Variants in ITCH observed in about 807,000 individuals in gnomAD.
ITCH encodes the protein E3 ubiquitin-protein ligase Itchy homolog.
ITCH carries 28 observed loss-of-function variants against 126.8 expected under a neutral mutation model. That is an observed-to-expected ratio of 0.22 (90% confidence interval 0.16 to 0.30). ITCH has a LOEUF of 0.30. ITCH is among the 10% of genes least tolerant of loss of function. The pLI, the probability that ITCH is intolerant of heterozygous loss-of-function variation, is 1.00. For missense variants in ITCH, 631 were observed against 1,032.4 expected, an observed-to-expected ratio of 0.61 and a Z score of 5.33; for synonymous variants, 342 against 340.0, an observed-to-expected ratio of 1.01 and a Z score of -0.06.
chr20:34,382,553 C>T (rs1416781614), intron 2 of ITCH, among the ~76,000 whole-genome samples: 1 of 151,608 alleles, frequency 6.6e-6, no homozygotes. Context: ...TTACAGGCGC[C>T]TGCCACCATG....
chr20:34,487,271 C>G (rs1046806466), intron 20 of ITCH, among the ~76,000 whole-genome samples: 1 of 152,086 alleles, frequency 6.6e-6, no homozygotes, highest in African/African-American at 2.4e-5. Flanking sequence ...CTCAGCCTCC[C>G]GAAGTGCTGG....
chr20:34,511,503 TG>T lies in ITCH; in HGVS notation c.*3710del, dbSNP rs1978808141. On this transcript the variant is annotated 3_prime_UTR_variant, in exon 25 of 25. Transcript: ENST00000374864. ...CAGGTCACATAGATTTCTGCCTCTC[TG>T]CTTTTTTAAGTGGCAAGTTACAGCC... The T allele has an allele frequency of 6.6e-6, 1 of 152,230 alleles. No individual in the cohort carries two copies. The highest frequency in any genetic ancestry group is 1.5e-5 in the Non-Finnish European group (1 of 68,050). 9.4% of individuals were successfully genotyped at this position (152,230 alleles called of 1,614,324 possible).
intron 22 of ITCH, 111 bp downstream of exon 22, chr20:34,490,037 C>T (rs1190561166): frequency 2.7e-6 from 2 of 735,864 alleles, no homozygotes; most frequent in East Asian, 2.6e-5. Context: ...ATATAGACCC[C>T]TTAGTCCATG....
At chr20:34,472,441 A>G (rs537120580) in intron 16 of ITCH, among the ~76,000 whole-genome samples, 61 of 152,138 alleles carry the variant, frequency 4.0e-4, no homozygotes, top group African/African-American at 1.4e-3. Flanking sequence ...AGATATTACT[A>G]ATAACCTACT....
chr20:34,442,210 G>C lies in ITCH; in HGVS notation c.872G>C (p.Trp291Ser). The C allele has an allele frequency of 6.2e-7, 1 of 1,612,200 alleles. No individual in the cohort carries two copies. The highest frequency in any genetic ancestry group is 8.5e-7 in the Non-Finnish European group (1 of 1,178,254). The change falls in exon 10 of 25, where the codon TGG becomes TCG. Residue 291 changes from tryptophan to serine, a missense_variant and splice_region_variant. Around this residue, in one of 4 missense-constraint regions of ITCH, gnomAD observed 390 missense variants for 731.6 expected, o/e 0.53. Coordinates refer to ENST00000374864, the MANE Select transcript of ITCH (RefSeq NM_031483.7). ...PVTQAPLPPG[W>S]EQRVDQHGRV... ...AGCCTTTTAATTTTGTATTTAAGTT[G>C]GGAGCAGAGAGTGGACCAGCACGGG... is the stretch of plus-strand genomic sequence containing the variant.
chr20:34,464,065 C>T (rs924926486), intron 14 of ITCH, among the ~76,000 whole-genome samples: 3 of 151,982 alleles, frequency 2.0e-5, no homozygotes, highest in Non-Finnish European at 4.4e-5. Flanking sequence ...AGCTATGCCT[C>T]CCGGGTTCAC....
At chr20:34,448,758 G>T (rs544410062) in intron 11 of ITCH, among the ~76,000 whole-genome samples, 6 of 151,988 alleles carry the variant, frequency 3.9e-5, no homozygotes, top group African/African-American at 1.4e-4. Context: ...ACACAGAGTC[G>T]GTGTGACTTT....
Position 34,407,290 on chromosome 20 carries a change from G to A in ITCH, c.71-1361G>A, listed in dbSNP as rs367661803. ...TCATTATTATTATTATTTTTGATACGTAGGCTCACTCTGTCGCCCAGGCTG... is the reference window on the plus strand; with the variant it reads ...TCATTATTATTATTATTTTTGATACATAGGCTCACTCTGTCGCCCAGGCTG... On this transcript the variant is annotated intron_variant, in intron 3 of 24. Coordinates refer to ENST00000374864, the MANE Select transcript of ITCH (RefSeq NM_031483.7). 2.4e-4 allele frequency among the ~76,000 whole-genome samples: 36 copies of A among 151,890 alleles called. No homozygotes were observed. In the East Asian group the frequency reaches 6.0e-3, roughly 25 times the overall value.
chr20:34,498,099 G>GT (rs1202265924), intron 23 of ITCH, among the ~76,000 whole-genome samples: 8 of 152,128 alleles, frequency 5.3e-5, no homozygotes, highest in Non-Finnish European at 1.0e-4. Context: ...TGTAGCTATT[G>GT]TAAGTAGGAT....
At chr20:34,399,323 C>T (rs112489278) in intron 3 of ITCH, among the ~76,000 whole-genome samples, 11 of 150,892 alleles carry the variant, frequency 7.3e-5, no homozygotes, top group East Asian at 2.0e-4. Context: ...ACCCGGGAGG[C>T]GGAGATGGCG....
At chr20:34,446,903 TAC>T (rs1228740388) in intron 11 of ITCH, among the ~76,000 whole-genome samples, 1 of 152,194 alleles carries the variant, frequency 6.6e-6, no homozygotes, top group Non-Finnish European at 1.5e-5. Flanking sequence ...GTAAAATAAA[TAC>T]AGATATAAAA....
chr20:34,507,821 G>T lies in ITCH; in HGVS notation c.*27G>T. The T allele has an allele frequency of 6.6e-7, 1 of 1,526,442 alleles. No homozygotes were observed. Among genetic ancestry groups the T allele is most frequent in the Non-Finnish European group, 9.1e-7 (1 of 1,100,506 alleles). 94.6% of individuals were successfully genotyped at this position (1,526,442 alleles called of 1,614,324 possible). A position where few individuals can be genotyped will look rare whatever the true frequency, so the allele number is the denominator to read the frequency against. On this transcript the variant is annotated 3_prime_UTR_variant, in exon 25 of 25. Coordinates refer to ENST00000374864, the MANE Select transcript of ITCH (RefSeq NM_031483.7). The stretch of plus-strand genomic sequence containing the variant: ...TTCTGAGAACTTGCACCATGAATGG[G>T]CAAGAACTTATTTGCAATGTTTGTC...
intron 2 of ITCH, among the ~76,000 whole-genome samples, chr20:34,371,564 G>A (rs996307165): frequency 6.6e-6 from 1 of 152,072 alleles, no homozygotes; most frequent in Non-Finnish European, 1.5e-5. Context: ...GATTATAGGC[G>A]TGAGCCACTG....
intron 12 of ITCH, among the ~76,000 whole-genome samples, chr20:34,453,961 T>C (rs1985559934): frequency 6.6e-6 from 1 of 151,144 alleles, no homozygotes; most frequent in Admixed American, 6.6e-5. Flanking sequence ...GCCACTGCAC[T>C]CCAGTCCAGC....
rs1978521660 is a variant in ITCH, at chr20:34,509,417, T to C, written c.*1623T>C. 1.3e-5 allele frequency: 2 copies of C among 152,522 alleles called. No individual in the cohort carries two copies. The highest frequency in any genetic ancestry group is 6.5e-5 in the Admixed American group (1 of 15,272). 9.4% of individuals were successfully genotyped at this position (152,522 alleles called of 1,614,324 possible). A position where few individuals can be genotyped will look rare whatever the true frequency, so the allele number is the denominator to read the frequency against. ...ATAAGCAGCAGAACCCTGTTCCATA[T>C]GGAAAAAAGAAAAACAATTTTTTGT... On this transcript the variant is annotated 3_prime_UTR_variant, in exon 25 of 25. Transcript: ENST00000374864.
chr20:34,507,855 C>A lies in ITCH; in HGVS notation c.*61C>A. The A allele has an allele frequency of 8.3e-7, 1 of 1,208,166 alleles. No individual in the cohort carries two copies. Among genetic ancestry groups the A allele is most frequent in the Non-Finnish European group, 1.2e-6 (1 of 812,826 alleles). The allele number at this position is 1,208,166 out of a possible 1,614,324, so 74.8% of individuals were successfully genotyped here. A position where few individuals can be genotyped will look rare whatever the true frequency, so the allele number is the denominator to read the frequency against. ...TATTTGCAATGTTTGTCCTTCTCTGCCTGTTGCACATCTTGTAAAATTGGA... is the reference window on the plus strand; with the variant it reads ...TATTTGCAATGTTTGTCCTTCTCTGACTGTTGCACATCTTGTAAAATTGGA... On this transcript the variant is annotated 3_prime_UTR_variant, in exon 25 of 25. Coordinates refer to ENST00000374864, the MANE Select transcript of ITCH (RefSeq NM_031483.7).
intron 1 of ITCH, among the ~76,000 whole-genome samples, chr20:34,368,907 A>G (rs942622064): frequency 4.6e-5 from 7 of 152,128 alleles, no homozygotes; most frequent in Non-Finnish European, 4.4e-5. Flanking sequence ...CATAATACGT[A>G]TGAATCATTT....
At chr20:34,373,742 G>A (rs747693206) in intron 2 of ITCH, among the ~76,000 whole-genome samples, 12 of 151,818 alleles carry the variant, frequency 7.9e-5, no homozygotes, top group Non-Finnish European at 1.5e-4. Flanking sequence ...ATACTATGTC[G>A]TCACTTACAG....
chr20:34,494,057 C>T (rs1906674518), intron 23 of ITCH, among the ~76,000 whole-genome samples: 1 of 152,094 alleles, frequency 6.6e-6, no homozygotes, highest in African/African-American at 2.4e-5. Context: ...GGTGAGACCC[C>T]GTCTCTACTA....
Sources: gnomAD v4.1 joint callset for allele counts (sites outside exome capture counted in the v4.1 genomes callset) on GRCh38, gnomAD v4.1.1 for gene constraint, gnomAD v4.1.1 regional missense constraint, MANE v1.5 for transcripts, NCBI Gene and HGNC (gene_info 2026-07-23, HGNC 2026-07-21) for gene names.